TSPEAR: variants seen among roughly 807,000 people sequenced by gnomAD.
TSPEAR encodes thrombospondin-type laminin G domain and EAR repeat-containing protein.
A neutral mutation model predicts 71.6 loss-of-function variants in TSPEAR; 69 were observed. The ratio of observed to expected loss-of-function variants is 0.96; its 90% confidence interval spans 0.79 to 1.18. TSPEAR has a LOEUF of 1.18. Ranked by LOEUF, TSPEAR falls within the 50% of genes most tolerant of loss-of-function variation. The probability of loss-of-function intolerance (pLI) is 0.00; values close to 1 mark genes in which losing one functional copy is unlikely to be tolerated. For synonymous variants in TSPEAR, 402 were observed against 387.2 expected (o/e 1.04, Z -0.45); for missense variants, 971 against 894.9 (o/e 1.09, Z -1.09).
At chr21:44,599,874 C>A (rs1400677616) in intron 1 of TSPEAR, among the ~76,000 whole-genome samples, 1 of 152,110 alleles carries the variant, frequency 6.6e-6, no homozygotes, top group Non-Finnish European at 1.5e-5. Context: ...GTGCTTTTTG[C>A]GGAGGAGGTG....
chr21:44,650,411 A>ACG (rs1984704855), intron 1 of TSPEAR, among the ~76,000 whole-genome samples: 2 of 152,258 alleles, frequency 1.3e-5, no homozygotes, highest in Non-Finnish European at 2.9e-5. Flanking sequence ...GGAGAACGCC[A>ACG]TGTGACGACG....
At position 44,590,845 on chromosome 21, in the gene TSPEAR, G is replaced by A. The variant is rs998523820; in HGVS notation, c.83-22840C>T. 8.1e-3 allele frequency among the ~76,000 whole-genome samples: 1,229 copies of A among 151,946 alleles called. 10 individuals carry two copies. The highest frequency in any genetic ancestry group is 0.028 in the African/African-American group (1,154 of 41,328). On this transcript the variant is annotated intron_variant, in intron 1 of 11. Transcript: ENST00000323084. ...AGAGGCAGCTTTCCTAAGATGGGCC[G>A]GGGGGCCATGTGCTGGGGTTGGGGG...
intron 1 of TSPEAR, chr21:44,601,639 T>C (rs781959691): frequency 4.3e-6 from 7 of 1,613,494 alleles, no homozygotes; most frequent in Non-Finnish European, 5.9e-6. Flanking sequence ...GGCCAGCTGC[T>C]GCCGCCCAGC....
chr21:44,575,744 C>A (rs905086612), intron 1 of TSPEAR, among the ~76,000 whole-genome samples: 1 of 152,240 alleles, frequency 6.6e-6, no homozygotes, highest in Non-Finnish European at 1.5e-5. Flanking sequence ...TCTTCATCGA[C>A]ATTGCCTAAA....
chr21:44,643,974 C>T (rs7276421), intron 1 of TSPEAR, among the ~76,000 whole-genome samples: 116,960 of 152,196 alleles, frequency 0.77, 45,276 homozygotes, highest in African/African-American at 0.86. Context: ...CAAAAGACTA[C>T]GTTTTGGAAA....
chr21:44,519,430 C>G (rs2052686752), intron 9 of TSPEAR: 1 of 138,264 alleles, frequency 7.2e-6, no homozygotes, highest in Admixed American at 6.8e-5. Context: ...CTTGCAGCTG[C>G]TTTCGCATCT....
chr21:44,498,554 C>T lies in TSPEAR; in HGVS notation c.*1229G>A, dbSNP rs932527805. The T allele has an allele frequency of 6.6e-6, 1 of 152,226 alleles. No homozygotes were observed. Among genetic ancestry groups the T allele is most frequent in the Admixed American group, 6.5e-5 (1 of 15,280 alleles). The allele number at this position is 152,226 out of a possible 1,614,324, so 9.4% of individuals were successfully genotyped here. A position where few individuals can be genotyped will look rare whatever the true frequency, so the allele number is the denominator to read the frequency against. Reference sequence around the variant, plus strand: ...AGTAGACACTGAGTTTATTATTTGCCAGACAAGGGGAGGCTTCCATTTCAT... The same window carrying T: ...AGTAGACACTGAGTTTATTATTTGCTAGACAAGGGGAGGCTTCCATTTCAT... On this transcript the variant is annotated 3_prime_UTR_variant, in exon 12 of 12. Transcript: ENST00000323084.
intron 11 of TSPEAR, among the ~76,000 whole-genome samples, chr21:44,502,244 G>C (rs1244460211): frequency 1.3e-5 from 2 of 152,222 alleles, no homozygotes; most frequent in East Asian, 3.8e-4. Context: ...CGTTAAATTA[G>C]AGCAAGGTGG....
At chr21:44,536,424 A>AGATTTGGGATTTGG (rs1452836947) in intron 2 of TSPEAR, among the ~76,000 whole-genome samples, 1 of 152,144 alleles carries the variant, frequency 6.6e-6, no homozygotes, top group Non-Finnish European at 1.5e-5. Context: ...GGATTTAGGG[A>AGATTTGGGATTTGG]GATTTAGAAA....
intron 1 of TSPEAR, chr21:44,678,174 C>T: frequency 2.0e-6 from 1 of 493,308 alleles, no homozygotes. Flanking sequence ...GTCAAGGATG[C>T]CTATTTTTAT....
chr21:44,549,499 T>C (rs2053362985), intron 2 of TSPEAR, among the ~76,000 whole-genome samples: 1 of 152,164 alleles, frequency 6.6e-6, no homozygotes, highest in Non-Finnish European at 1.5e-5. Flanking sequence ...AAATAGTTTT[T>C]AAAATCAACC....
chr21:44,657,052 C>T (rs1555942673), intron 1 of TSPEAR, among the ~76,000 whole-genome samples: 1 of 152,102 alleles, frequency 6.6e-6, no homozygotes, highest in African/African-American at 2.4e-5. Flanking sequence ...TTCCTGCCTC[C>T]CCTGGACATA....
chr21:44,588,890 T>C (rs1177687584), intron 1 of TSPEAR, among the ~76,000 whole-genome samples: 4 of 151,680 alleles, frequency 2.6e-5, no homozygotes, highest in Non-Finnish European at 5.9e-5. Context: ...CTAAGTGAAG[T>C]AACTCAGGAA....
At chr21:44,632,059 G>A (rs1351348902) in intron 1 of TSPEAR, among the ~76,000 whole-genome samples, 1 of 152,090 alleles carries the variant, frequency 6.6e-6, no homozygotes, top group African/African-American at 2.4e-5. Context: ...CACTTAAAAT[G>A]GGATAAATTT....
chr21:44,643,951 G>T (rs1169058628), intron 1 of TSPEAR, among the ~76,000 whole-genome samples: 1 of 152,244 alleles, frequency 6.6e-6, no homozygotes, highest in Non-Finnish European at 1.5e-5. Flanking sequence ...CGACGAAAGG[G>T]AGTCAAATAA....
intron 9 of TSPEAR, among the ~76,000 whole-genome samples, chr21:44,513,809 C>G (rs1555913023): frequency 2.6e-5 from 4 of 152,168 alleles, no homozygotes; most frequent in Admixed American, 2.0e-4. Context: ...GGCTCCCTCC[C>G]TAGCCACCAG....
intron 2 of TSPEAR, chr21:44,539,773 G>A (rs2053177280): frequency 1.2e-6 from 2 of 1,612,716 alleles, no homozygotes; most frequent in Admixed American, 3.3e-5. Context: ...TTGGCTGGCA[G>A]CTAGACTGCT....
At chr21:44,551,355 C>G (rs1485226835) in intron 2 of TSPEAR, 1 of 1,613,022 alleles carries the variant, frequency 6.2e-7, no homozygotes, top group African/African-American at 1.3e-5. Context: ...GGCACAGCAG[C>G]TGGGGGTGCC....
At chr21:44,575,105 T>A (rs1978345260) in intron 1 of TSPEAR, 1 of 1,230,312 alleles carries the variant, frequency 8.1e-7, no homozygotes, top group Admixed American at 2.6e-5. Context: ...GCTCCTGCAC[T>A]TTGACCATTT....
Sources: allele counts gnomAD v4.1 joint callset (sites outside exome capture counted in the v4.1 genomes callset), GRCh38; gene constraint gnomAD v4.1.1; transcripts MANE v1.5; gene names NCBI Gene and HGNC (gene_info 2026-07-23, HGNC 2026-07-21).